Variants in PIRT observed in about 807,000 individuals in gnomAD.
The protein encoded by PIRT is phosphoinositide-interacting protein.
Under a neutral mutation model 7.9 loss-of-function variants are expected in PIRT, and 6 were observed. The observed-to-expected ratio is 0.76, with a 90% CI of 0.42 to 1.51. The LOEUF is 1.51. PIRT is among the 40% of genes most tolerant of loss of function. The pLI is 0.01. For synonymous variants in PIRT, 78 were observed against 71.8 expected, an observed-to-expected ratio of 1.09 and a Z score of -0.44; for missense variants, 170 against 172.9, an observed-to-expected ratio of 0.98 and a Z score of 0.09.
In PIRT at chr17:10,825,120, G is replaced by T; in HGVS notation, c.*112C>A. On this transcript the variant is annotated 3_prime_UTR_variant, in exon 2 of 2. Coordinates refer to ENST00000580256, the MANE Select transcript of PIRT (RefSeq NM_001101387.2). The stretch of plus-strand genomic sequence containing the variant: ...TCTATCTTCCCCACAGGGTCAGGAA[G>T]AGCATTTTCCTGGATCAGTTTTATG... 7.3e-7 allele frequency: 1 copy of T among 1,360,630 alleles called. No homozygotes were observed. Among genetic ancestry groups the T allele is most frequent in the Non-Finnish European group, 1.0e-6 (1 of 1,001,068 alleles). The allele number at this position is 1,360,630 out of a possible 1,614,324, so 84.3% of individuals were successfully genotyped here.
chr17:10,834,792 G>A (rs1411093852), intron 1 of PIRT, among the ~76,000 whole-genome samples: 1 of 151,766 alleles, frequency 6.6e-6, no homozygotes, highest in Non-Finnish European at 1.5e-5. Flanking sequence ...GGGCTTCACC[G>A]TGTTAGCCAG....
In PIRT at chr17:10,824,101, G is replaced by A. The variant is rs1256736929; in HGVS notation, c.*1131C>T. On this transcript the variant is annotated 3_prime_UTR_variant, in exon 2 of 2. Transcript: ENST00000580256. Reference sequence around the variant, plus strand: ...ATCAAGTCTAGGGTAGACACCGCCTGTGTTCCCACACCCACCCACATTTCG... The same window carrying A: ...ATCAAGTCTAGGGTAGACACCGCCTATGTTCCCACACCCACCCACATTTCG... 6.6e-6 allele frequency: 1 copy of A among 152,258 alleles called. No homozygotes were observed. Among genetic ancestry groups the A allele is most frequent in the East Asian group, 1.9e-4 (1 of 5,190 alleles). The allele number at this position is 152,258 out of a possible 1,614,324, so 9.4% of individuals were successfully genotyped here.
In PIRT at chr17:10,824,921, T is replaced by G. The variant is rs914264427; in HGVS notation, c.*311A>C. The G allele has an allele frequency of 4.9e-5, 17 of 349,366 alleles. No homozygotes were observed. The highest frequency in any genetic ancestry group is 3.3e-4 in the African/African-American group (16 of 48,906). The allele number at this position is 349,366 out of a possible 1,614,324, so 21.6% of individuals were successfully genotyped here. ...CCCACCTTCGAAGAATTTCCCAGCA[T>G]GCATTGCACTTGGCAGAGAGAGTTG... On this transcript the variant is annotated 3_prime_UTR_variant, in exon 2 of 2. Transcript: ENST00000580256.
intron 1 of PIRT, among the ~76,000 whole-genome samples, chr17:10,829,586 C>A (rs1276765948): frequency 6.6e-6 from 1 of 152,170 alleles, no homozygotes; most frequent in Non-Finnish European, 1.5e-5. Flanking sequence ...CCTCAAAGCT[C>A]CTTGCACTGC....
intron 1 of PIRT, among the ~76,000 whole-genome samples, chr17:10,827,000 T>C (rs1905334346): frequency 6.6e-6 from 1 of 152,036 alleles, no homozygotes; most frequent in Admixed American, 6.6e-5. Flanking sequence ...TTAGTAGAGA[T>C]GGGGTTTCTC....
chr17:10,828,336 C>T (rs749084659), intron 1 of PIRT, among the ~76,000 whole-genome samples: 68 of 152,168 alleles, frequency 4.5e-4, no homozygotes, highest in Non-Finnish European at 8.2e-4. Flanking sequence ...TCTGCCTCTT[C>T]AGATGAAGAA....
chr17:10,825,638 A>G lies in PIRT; in HGVS notation c.8T>C (p.Met3Thr). The change falls in exon 2 of 2, where the codon ATG becomes ACG. Residue 3 changes from methionine to threonine, a missense_variant. Transcript: ENST00000580256. The stretch of plus-strand genomic sequence containing the variant: ...CTCTAGAACCTTGGGGAGAGTCTCC[A>G]TCGTCATGGTTGCTCAGGACTGGGC... MT[M>T]ETLPKVLEVD... 6.8e-7 allele frequency: 1 copy of G among 1,481,218 alleles called. No individual in the cohort carries two copies. The highest frequency in any genetic ancestry group is 2.5e-5 in the East Asian group (1 of 40,398). 91.8% of individuals were successfully genotyped at this position (1,481,218 alleles called of 1,614,324 possible).
intron 1 of PIRT, among the ~76,000 whole-genome samples, chr17:10,828,450 C>T (rs548112012): frequency 6.1e-4 from 93 of 152,294 alleles, no homozygotes; most frequent in Middle Eastern, 6.8e-3. Flanking sequence ...GGCTACTCAA[C>T]GCCCCACTCA....
In PIRT at chr17:10,825,628, G is replaced by A; in HGVS notation, c.18C>T (p.Leu6=). MTMET[L]PKVLEVDEKS... ...TCTCATCGACCTCTAGAACCTTGGG[G>A]AGAGTCTCCATCGTCATGGTTGCTC... is the stretch of plus-strand genomic sequence containing the variant. The change falls in exon 2 of 2, where the codon CTC becomes CTT. Residue 6 remains leucine, a synonymous_variant. Transcript: ENST00000580256. 1 of 1,493,192 alleles carries A rather than the reference G, an allele frequency of 6.7e-7. No individual in the cohort carries two copies. The highest frequency in any genetic ancestry group is 1.8e-4 in the Middle Eastern group (1 of 5,556). 92.5% of individuals were successfully genotyped at this position (1,493,192 alleles called of 1,614,324 possible). A position where few individuals can be genotyped will look rare whatever the true frequency, so the allele number is the denominator to read the frequency against.
chr17:10,822,605 C>T lies in PIRT; in HGVS notation c.*2627G>A, dbSNP rs1472846890. On this transcript the variant is annotated 3_prime_UTR_variant, in exon 2 of 2. Transcript: ENST00000580256. ...CCTAAAACACGGAAGCTGGTTCTGT[C>T]CTTTGACCCACTGACGTGAAAAGAG... 6.6e-6 allele frequency: 1 copy of T among 152,174 alleles called. No individual in the cohort carries two copies. Among genetic ancestry groups the T allele is most frequent in the Non-Finnish European group, 1.5e-5 (1 of 68,038 alleles). The allele number at this position is 152,174 out of a possible 1,614,324, so 9.4% of individuals were successfully genotyped here.
chr17:10,822,901 C>G lies in PIRT; in HGVS notation c.*2331G>C, dbSNP rs1370277340. ...TGGAGGCAGGTACTGCTAGAGTCTGCAAAGTGAGTCCAGAACCTGGACTTC... is the reference window on the plus strand; with the variant it reads ...TGGAGGCAGGTACTGCTAGAGTCTGGAAAGTGAGTCCAGAACCTGGACTTC... On this transcript the variant is annotated 3_prime_UTR_variant, in exon 2 of 2. Transcript: ENST00000580256. 1 of 152,180 alleles carries G rather than the reference C, an allele frequency of 6.6e-6. No homozygotes were observed. Among genetic ancestry groups the G allele is most frequent in the Non-Finnish European group, 1.5e-5 (1 of 68,036 alleles). 9.4% of individuals were successfully genotyped at this position (152,180 alleles called of 1,614,324 possible).
At chr17:10,835,443 G>A (rs1905564854) in intron 1 of PIRT, among the ~76,000 whole-genome samples, 1 of 152,232 alleles carries the variant, frequency 6.6e-6, no homozygotes, top group Admixed American at 6.5e-5. Context: ...ATGACTCACA[G>A]ATGAGGAGAG....
chr17:10,834,984 GTT>G (rs1370148579), intron 1 of PIRT, among the ~76,000 whole-genome samples: 1 of 151,736 alleles, frequency 6.6e-6, no homozygotes, highest in Non-Finnish European at 1.5e-5. Context: ...CCACCCGGTG[GTT>G]GTAAAAATCT....
rs539423495 is a variant in PIRT, at chr17:10,832,490, G to T, written c.-139+5455C>A. Among the ~76,000 whole-genome samples, 4 of 152,292 alleles carry T rather than the reference G, an allele frequency of 2.6e-5. No homozygotes were observed. In the East Asian group the frequency reaches 7.7e-4, roughly 29 times the overall value. On this transcript the variant is annotated intron_variant, in intron 1 of 1. Transcript: ENST00000580256. ...TTACAGGCGTGAGCCACCACACCTGGCTATGTTCTGATTCCTGACCTAGCA... is the reference window on the plus strand; with the variant it reads ...TTACAGGCGTGAGCCACCACACCTGTCTATGTTCTGATTCCTGACCTAGCA...
In PIRT at chr17:10,825,197, C is replaced by A; in HGVS notation, c.*35G>T. ...CGGATGTTGGTCATCAGATCTTCTC[C>A]CAGTCAAGGTGGCAGGGAGATGCGG... On this transcript the variant is annotated 3_prime_UTR_variant, in exon 2 of 2. Coordinates refer to ENST00000580256, the MANE Select transcript of PIRT (RefSeq NM_001101387.2). 6.2e-7 allele frequency: 1 copy of A among 1,601,732 alleles called. No individual in the cohort carries two copies. Among genetic ancestry groups the A allele is most frequent in the Non-Finnish European group, 8.5e-7 (1 of 1,172,544 alleles).
At position 10,835,400 on chromosome 17, in the gene PIRT, G is replaced by A. The variant is rs192873594; in HGVS notation, c.-139+2545C>T. ...GCCCCACTTTGCAGGTGAGGAAACT[G>A]AGGATCAGAAAGGTATAAGTGACTT... On this transcript the variant is annotated intron_variant, in intron 1 of 1. Transcript: ENST00000580256. Among the ~76,000 whole-genome samples the A allele has an allele frequency of 2.0e-5, 3 of 152,332 alleles. No homozygotes were observed. In the East Asian group the frequency reaches 5.8e-4, roughly 29 times the overall value.
intron 1 of PIRT, among the ~76,000 whole-genome samples, chr17:10,831,998 C>T (rs557276436): frequency 6.6e-6 from 1 of 152,290 alleles, no homozygotes; most frequent in East Asian, 1.9e-4. Flanking sequence ...TGCAGGCTGG[C>T]ACCAAGAAAC....
rs561984376 is a variant in PIRT, at chr17:10,825,167, G to A, written c.*65C>T. The stretch of plus-strand genomic sequence containing the variant: ...TATGGCACCCCACAGAGGAGACAGG[G>A]ATGTCGGATGTTGGTCATCAGATCT... On this transcript the variant is annotated 3_prime_UTR_variant, in exon 2 of 2. Transcript: ENST00000580256. 5.1e-6 allele frequency: 8 copies of A among 1,554,346 alleles called. No homozygotes were observed. The African/African-American group carries it at 1.1e-4, about 21-fold the overall frequency.
chr17:10,834,896 G>T (rs1161692420), intron 1 of PIRT, among the ~76,000 whole-genome samples: 79 of 139,224 alleles, frequency 5.7e-4, no homozygotes, highest in East Asian at 4.4e-3. Flanking sequence ...AGCGTTGTTT[G>T]TTTTTTTTTT....
Sources: allele counts gnomAD v4.1 joint callset (sites outside exome capture counted in the v4.1 genomes callset), GRCh38; gene constraint gnomAD v4.1.1; transcripts MANE v1.5; gene names NCBI Gene and HGNC (gene_info 2026-07-23, HGNC 2026-07-21).